Variants in DENND2B observed in about 807,000 individuals in gnomAD.
The protein encoded by DENND2B is DENN domain containing 2B, also known as DENN domain-containing protein 2B.
A neutral mutation model predicts 116.0 loss-of-function variants in DENND2B; 32 were observed. That is an observed-to-expected ratio of 0.28 (90% CI 0.21 to 0.37). The LOEUF (loss-of-function observed/expected upper bound fraction) is 0.37. DENND2B is among the 10% of genes least tolerant of loss of function. The pLI is 1.00. For missense variants in DENND2B, 1,276 were observed against 1,477.7 expected (o/e 0.86, Z 2.24); for synonymous variants, 588 against 583.9 (o/e 1.01, Z -0.10).
At chr11:8,893,535 G>T (rs2064059956) in intron 1 of DENND2B, among the ~76,000 whole-genome samples, 1 of 152,154 alleles carries the variant, frequency 6.6e-6, no homozygotes, top group Non-Finnish European at 1.5e-5. Context: ...AAGCTGATAA[G>T]CAACTTCAGC....
intron 1 of DENND2B, among the ~76,000 whole-genome samples, chr11:8,903,274 G>A (rs771139533): frequency 1.3e-5 from 2 of 151,996 alleles, no homozygotes; most frequent in Admixed American, 6.6e-5. Context: ...TTAGTCGGGT[G>A]TGGTGGCATG....
chr11:8,779,870 G>A (rs1168229971), intron 1 of DENND2B, among the ~76,000 whole-genome samples: 1 of 152,162 alleles, frequency 6.6e-6, no homozygotes, highest in African/African-American at 2.4e-5. Flanking sequence ...GTCATGGAAT[G>A]CAGCCAGCCT....
At chr11:8,699,600 T>G (rs1384732071) in intron 14 of DENND2B, among the ~76,000 whole-genome samples, 3 of 152,172 alleles carry the variant, frequency 2.0e-5, no homozygotes, top group Non-Finnish European at 4.4e-5. Context: ...GAAATGTACC[T>G]GCAAACAGCC....
chr11:8,764,516 G>A (rs2055268352), intron 1 of DENND2B, among the ~76,000 whole-genome samples: 1 of 152,170 alleles, frequency 6.6e-6, no homozygotes, highest in South Asian at 2.1e-4. Flanking sequence ...TTTGCCTAGC[G>A]TTTCATAAGC....
intron 4 of DENND2B, among the ~76,000 whole-genome samples, chr11:8,724,295 CAA>C (rs879914640): frequency 8.7e-5 from 11 of 126,894 alleles, no homozygotes; most frequent in Admixed American, 4.0e-4. Flanking sequence ...GACTCCGTCT[CAA>C]AAAAAAAAAA....
intron 1 of DENND2B, among the ~76,000 whole-genome samples, chr11:8,769,965 T>C (rs981598987): frequency 6.6e-6 from 1 of 152,056 alleles, no homozygotes; most frequent in African/African-American, 2.4e-5. Flanking sequence ...GCTCCATCTC[T>C]ACAAAACATA....
chr11:8,785,529 C>G (rs1430803114), intron 1 of DENND2B: 1 of 152,290 alleles, frequency 6.6e-6, no homozygotes, highest in East Asian at 1.9e-4. Flanking sequence ...AGTAGGACCT[C>G]TCCCTGGTCA....
rs192916603 is a variant in DENND2B, at chr11:8,850,722, T to G, written c.-156+6621A>C. 1.4e-4 allele frequency among the ~76,000 whole-genome samples: 21 copies of G among 152,348 alleles called. 1 individual carries two copies. The East Asian group carries it at 3.7e-3, about 27-fold the overall frequency. On this transcript the variant is annotated intron_variant, in intron 3 of 6. Transcript: ENST00000524757. ...CAGTATGTCAAAGAGCTATCTGCAC[T>G]TCCATGTTCATTGCAGCATTATTCA...
upstream of DENND2B, among the ~76,000 whole-genome samples, chr11:8,814,937 C>A (rs140940083): frequency 2.7e-3 from 413 of 152,318 alleles, 6 homozygotes; most frequent in African/African-American, 9.6e-3. Context: ...CCTCATGTGC[C>A]TTGCCTGTGG....
At chr11:8,760,316 G>T (rs935356276) in intron 1 of DENND2B, among the ~76,000 whole-genome samples, 5 of 152,098 alleles carry the variant, frequency 3.3e-5, no homozygotes, top group Middle Eastern at 3.2e-3. Flanking sequence ...TAAGTTCCTT[G>T]TAAGTACCCA....
chr11:8,861,045 T>G (rs1594277913), intron 2 of DENND2B, among the ~76,000 whole-genome samples: 1 of 151,718 alleles, frequency 6.6e-6, no homozygotes, highest in African/African-American at 2.4e-5. Context: ...TCGAGATGGA[T>G]CAAAGATTTA....
In DENND2B at chr11:8,730,669, G is replaced by A. The variant is rs2047970887; in HGVS notation, c.621C>T (p.Pro207=). Reference sequence around the variant, plus strand: ...AGCTGCAGGGGGACGGCACCACGCTGGGACAGCCCAGGCTGGGGCAGCCCT... The same window carrying A: ...AGCTGCAGGGGGACGGCACCACGCTAGGACAGCCCAGGCTGGGGCAGCCCT... The part of the protein sequence containing the change: ...ASEGCPSLGC[P]SVVPSPCSSE... Residue 207 remains proline, a synonymous_variant, in exon 3 of 20, where the codon CCC becomes CCT. Transcript: ENST00000313726. The surrounding 1 kb of genome is among the most constrained non-coding windows in gnomAD (Gnocchi z 4.1). 1 of 1,612,154 alleles carries A rather than the reference G, an allele frequency of 6.2e-7. No homozygotes were observed. The highest frequency in any genetic ancestry group is 8.5e-7 in the Non-Finnish European group (1 of 1,179,756).
At chr11:8,698,163 A>AAC (rs1302841574) in intron 16 of DENND2B, among the ~76,000 whole-genome samples, 1 of 148,110 alleles carries the variant, frequency 6.8e-6, no homozygotes, top group Non-Finnish European at 1.5e-5. Context: ...AAAAAAAAAA[A>AAC]AAAGGGGGTA....
rs191642375 is a variant in DENND2B, at chr11:8,766,511, C to A, written c.-25-15786G>T. The A allele has an allele frequency of 6.1e-4, 533 of 880,514 alleles. 6 individuals are homozygous for A. The highest frequency in any genetic ancestry group is 3.4e-4 in the South Asian group (22 of 63,858). 54.5% of individuals were successfully genotyped at this position (880,514 alleles called of 1,614,324 possible). ...ACACACGCTCAGACTTGGGCAATGT[C>A]CACAAGCCAAATCATTAATCCAAAG... On this transcript the variant is annotated intron_variant, in intron 1 of 19. Coordinates refer to ENST00000313726, the MANE Select transcript of DENND2B (RefSeq NM_213618.2).
chr11:8,894,792 CT>C (rs1566088709), intron 1 of DENND2B, among the ~76,000 whole-genome samples: 1 of 152,148 alleles, frequency 6.6e-6, no homozygotes, highest in Non-Finnish European at 1.5e-5. Flanking sequence ...CACTTTTACA[CT>C]GTTGGTGGGA....
rs527509905 is a variant in DENND2B, at chr11:8,750,823, C to A, written c.-25-98G>T. The A allele has an allele frequency of 3.1e-5, 33 of 1,053,918 alleles. No homozygotes were observed. In the East Asian group the frequency reaches 5.0e-4, roughly 16 times the overall value. 65.3% of individuals were successfully genotyped at this position (1,053,918 alleles called of 1,614,324 possible). On this transcript the variant is annotated intron_variant, in intron 1 of 19. Coordinates refer to ENST00000313726, the MANE Select transcript of DENND2B (RefSeq NM_213618.2). ...ACCTCCAAAAGTGCCAAGAGGGTGT[C>A]TGTGGCAGGTAGTAGAAACTGCTTT... is the stretch of plus-strand genomic sequence containing the variant.
intron 4 of DENND2B, among the ~76,000 whole-genome samples, chr11:8,820,564 C>G (rs1259484243): frequency 6.6e-6 from 1 of 152,094 alleles, no homozygotes; most frequent in Non-Finnish European, 1.5e-5. Flanking sequence ...GAATGTTTTA[C>G]ATTGTAATCT....
At chr11:8,791,447 C>CT (rs890110835) in intron 1 of DENND2B, among the ~76,000 whole-genome samples, 70 of 151,178 alleles carry the variant, frequency 4.6e-4, no homozygotes, top group African/African-American at 4.6e-4. Context: ...TCACTAAAGG[C>CT]TTTTTTTTTG....
intron 2 of DENND2B, among the ~76,000 whole-genome samples, chr11:8,749,544 C>T (rs2051960049): frequency 6.6e-6 from 1 of 152,210 alleles, no homozygotes. Flanking sequence ...GGAACCCCTG[C>T]CTCCTTCATG....
Sources: allele counts gnomAD v4.1 joint callset (sites outside exome capture counted in the v4.1 genomes callset), GRCh38; gene constraint gnomAD v4.1.1; non-coding constraint Gnocchi (gnomAD v3.1); transcripts MANE v1.5; gene names NCBI Gene and HGNC (gene_info 2026-07-23, HGNC 2026-07-21).